KBTBD12: variants seen among roughly 807,000 people sequenced by gnomAD.
KBTBD12 encodes kelch repeat and BTB domain-containing protein 12.
Under a neutral mutation model 58.7 loss-of-function variants are expected in KBTBD12, and 53 were observed. That is an observed-to-expected ratio of 0.90 (90% CI 0.72 to 1.14). KBTBD12 has a LOEUF of 1.14. KBTBD12 is among the 50% of genes most tolerant of loss of function. KBTBD12 has a pLI of 0.00. For missense variants in KBTBD12, 704 were observed against 751.3 expected (o/e 0.94, Z 0.74); for synonymous variants, 236 against 259.8 (o/e 0.91, Z 0.88).
chr3:127,930,396 A>C, intron 4 of KBTBD12, 113 bp downstream of exon 4: 1 of 857,186 alleles, frequency 1.2e-6, no homozygotes, highest in Non-Finnish European at 1.8e-6. Context: ...AAATTTATAT[A>C]CAACTAGCTG....
chr3:127,918,991 T>C (rs182300492), intron 1 of KBTBD12, among the ~76,000 whole-genome samples: 123 of 152,240 alleles, frequency 8.1e-4, no homozygotes, highest in Non-Finnish European at 1.2e-3. Flanking sequence ...TTTTAAACAG[T>C]GAAACTGGGA....
At chr3:127,938,140 T>C (rs915945899) in intron 4 of KBTBD12, among the ~76,000 whole-genome samples, 1 of 152,092 alleles carries the variant, frequency 6.6e-6, no homozygotes, top group African/African-American at 2.4e-5. Context: ...AACATATGGG[T>C]AAATGGAAAC....
At chr3:127,940,678 C>T (rs1004158478) in intron 4 of KBTBD12, among the ~76,000 whole-genome samples, 2 of 149,124 alleles carry the variant, frequency 1.3e-5, no homozygotes, top group Middle Eastern at 3.5e-3. Flanking sequence ...AAAAGAACAA[C>T]ATAAATCAAG....
chr3:127,977,219 C>T (rs1189270015), intron 5 of KBTBD12, among the ~76,000 whole-genome samples: 1 of 152,200 alleles, frequency 6.6e-6, no homozygotes, highest in Non-Finnish European at 1.5e-5. Flanking sequence ...ACCACAGTTT[C>T]TTTATCTGGT....
At position 127,984,198 on chromosome 3, in the gene KBTBD12, G is replaced by A; in HGVS notation, c.1792G>A (p.Val598Ile). The A allele has an allele frequency of 6.2e-7, 1 of 1,613,980 alleles. No individual in the cohort carries two copies. Among genetic ancestry groups the A allele is most frequent in the Non-Finnish European group, 8.5e-7 (1 of 1,179,854 alleles). Reference protein sequence around the residue: ...INVLMHDSYDVCLVARMNPRD... With the variant: ...INVLMHDSYDICLVARMNPRD... Reference sequence around the variant, plus strand: ...CGTCCTCATGCATGACAGCTATGATGTCTGCCTAGTAGCCAGGATGAATCC... The same window carrying A: ...CGTCCTCATGCATGACAGCTATGATATCTGCCTAGTAGCCAGGATGAATCC... Residue 598 changes from valine (V) to isoleucine (I), a missense_variant, in exon 6 of 6, where the codon GTC becomes ATC. Coordinates refer to ENST00000405109, the MANE Select transcript of KBTBD12 (RefSeq NM_207335.4).
At chr3:127,951,276 G>A (rs1462716714) in intron 4 of KBTBD12, among the ~76,000 whole-genome samples, 1 of 152,164 alleles carries the variant, frequency 6.6e-6, no homozygotes, top group Non-Finnish European at 1.5e-5. Flanking sequence ...TGGTTATTTG[G>A]TCAGAGATAT....
chr3:127,984,144 G>T lies in KBTBD12; in HGVS notation c.1738G>T (p.Glu580Ter). The part of the protein sequence containing the change: ...SKEILELDPW[E>*]NQWNVVAINV... ...AGAAATATTGGAACTGGACCCATGGGAAAACCAGTGGAATGTTGTAGCCAT... is the reference window on the plus strand; with the variant it reads ...AGAAATATTGGAACTGGACCCATGGTAAAACCAGTGGAATGTTGTAGCCAT... The change falls in exon 6 of 6, where the codon GAA becomes TAA. Residue 580 changes from glutamate to a stop codon, truncating the protein, a stop_gained. Coordinates refer to ENST00000405109, the MANE Select transcript of KBTBD12 (RefSeq NM_207335.4). LOFTEE classifies it high-confidence loss of function. 3 of 1,613,938 alleles carry T rather than the reference G, an allele frequency of 1.9e-6. No homozygotes were observed. The highest frequency in any genetic ancestry group is 2.5e-6 in the Non-Finnish European group (3 of 1,179,854).
At chr3:127,965,028 G>A (rs755184729) in intron 5 of KBTBD12, among the ~76,000 whole-genome samples, 1 of 152,166 alleles carries the variant, frequency 6.6e-6, no homozygotes, top group Non-Finnish European at 1.5e-5. Context: ...CCACTCATGC[G>A]GCAGGGCTGT....
chr3:127,967,657 G>T (rs951368758), intron 5 of KBTBD12, among the ~76,000 whole-genome samples: 1 of 152,180 alleles, frequency 6.6e-6, no homozygotes, highest in African/African-American at 2.4e-5. Flanking sequence ...ATGGGGAGCA[G>T]GTCAGGGAAC....
chr3:127,966,454 A>C (rs1322753186), intron 5 of KBTBD12, among the ~76,000 whole-genome samples: 1 of 152,250 alleles, frequency 6.6e-6, no homozygotes, highest in Non-Finnish European at 1.5e-5. Flanking sequence ...GATGAGAGAA[A>C]ATATTGCATC....
intron 5 of KBTBD12, among the ~76,000 whole-genome samples, chr3:127,971,554 G>A (rs1177762263): frequency 6.6e-6 from 1 of 152,162 alleles, no homozygotes; most frequent in Admixed American, 6.5e-5. Context: ...TCTGGTGCAG[G>A]GTCCCCCCAT....
chr3:127,968,410 T>A (rs1940620687), intron 5 of KBTBD12, among the ~76,000 whole-genome samples: 2 of 152,180 alleles, frequency 1.3e-5, no homozygotes, highest in African/African-American at 2.4e-5. Context: ...CCAAACTTAC[T>A]ATTTGAGGCC....
chr3:127,941,916 G>A (rs1433316755), intron 4 of KBTBD12, among the ~76,000 whole-genome samples: 2 of 152,060 alleles, frequency 1.3e-5, no homozygotes, highest in African/African-American at 4.8e-5. Context: ...ATTCTTAATG[G>A]CAAATTTATA....
At chr3:127,919,568 G>C (rs962472509) in intron 1 of KBTBD12, among the ~76,000 whole-genome samples, 2 of 152,182 alleles carry the variant, frequency 1.3e-5, no homozygotes. Flanking sequence ...ACTGAAGCAG[G>C]ATTAGGAATT....
chr3:127,924,429 T>C (rs1263004786), intron 2 of KBTBD12, among the ~76,000 whole-genome samples: 1 of 150,158 alleles, frequency 6.7e-6, no homozygotes, highest in Admixed American at 6.6e-5. Flanking sequence ...TAATTAAATC[T>C]CCCACATTTT....
chr3:127,927,286 C>T (rs892350722), intron 2 of KBTBD12, among the ~76,000 whole-genome samples: 10 of 152,086 alleles, frequency 6.6e-5, no homozygotes, highest in Admixed American at 6.5e-4. Context: ...TCTAAATCAT[C>T]CTGAGAGAAA....
intron 4 of KBTBD12, among the ~76,000 whole-genome samples, chr3:127,937,218 G>A (rs1939849175): frequency 6.6e-6 from 1 of 151,694 alleles, no homozygotes; most frequent in Non-Finnish European, 1.5e-5. Context: ...CAACAAAACA[G>A]TGGAGACCTC....
intron 2 of KBTBD12, 73 bp from the exon 3 acceptor site, chr3:127,927,691 A>C: frequency 8.9e-7 from 1 of 1,122,006 alleles, no homozygotes; most frequent in Admixed American, 2.6e-5. Context: ...GTCAGAAAAT[A>C]AATAAGTGTA....
At chr3:127,968,320 AG>A (rs753149485) in intron 5 of KBTBD12, among the ~76,000 whole-genome samples, 3 of 152,202 alleles carry the variant, frequency 2.0e-5, no homozygotes, top group Non-Finnish European at 4.4e-5. Flanking sequence ...TGAGGGAGCC[AG>A]TATTGTGTTT....
Sources: allele counts gnomAD v4.1 joint callset (sites outside exome capture counted in the v4.1 genomes callset), GRCh38; gene constraint gnomAD v4.1.1; transcripts MANE v1.5; gene names NCBI Gene and HGNC (gene_info 2026-07-23, HGNC 2026-07-21).